Variants in LMNTD1 observed in about 807,000 individuals in gnomAD.
The protein encoded by LMNTD1 is lamin tail domain containing 1, also known as lamin tail domain-containing protein 1.
LMNTD1 carries 35 observed loss-of-function variants against 50.9 expected under a neutral mutation model. The ratio of observed to expected loss-of-function variants is 0.69; its 90% confidence interval spans 0.53 to 0.91. The LOEUF is 0.91. LMNTD1 is among the 40% of genes least tolerant of loss of function. The pLI, the probability that LMNTD1 is intolerant of heterozygous loss-of-function variation, is 0.00. For missense variants in LMNTD1, 470 were observed against 475.5 expected, an observed-to-expected ratio of 0.99 and a Z score of 0.11; for synonymous variants, 153 against 161.9, an observed-to-expected ratio of 0.94 and a Z score of 0.42.
At position 25,520,066 on chromosome 12, in the gene LMNTD1, A is replaced by G. The variant is rs779835971; in HGVS notation, c.808T>C (p.Trp270Arg). The change falls in exon 7 of 10, where the codon TGG becomes CGG. Residue 270 changes from tryptophan (W) to arginine (R), a missense_variant. By Grantham distance (101) the Trp-to-Arg change is moderately radical. Transcript: ENST00000458174. ...LCKPNGQAIA[W>R]YTPIHWKQAW... Reference sequence around the variant, plus strand: ...TGCTTCCAGTGGATAGGGGTGTACCACGCAATGGCCTAATGAAAATGATTT... The same window carrying G: ...TGCTTCCAGTGGATAGGGGTGTACCGCGCAATGGCCTAATGAAAATGATTT... 4.4e-6 allele frequency: 7 copies of G among 1,607,788 alleles called. No individual in the cohort carries two copies. Among genetic ancestry groups the G allele is most frequent in the Non-Finnish European group, 5.9e-6 (7 of 1,176,920 alleles).
chr12:25,507,384 A>G (rs896679392), intron 8 of LMNTD1, among the ~76,000 whole-genome samples: 1 of 152,226 alleles, frequency 6.6e-6, no homozygotes, highest in Admixed American at 6.5e-5. Flanking sequence ...TTTTCTTTTT[A>G]ACCAATAGCC....
intron 1 of LMNTD1, among the ~76,000 whole-genome samples, chr12:25,638,815 G>A (rs1946890379): frequency 6.6e-6 from 1 of 152,044 alleles, no homozygotes; most frequent in Non-Finnish European, 1.5e-5. Context: ...AGAAACTGAA[G>A]AGTTTATCTT....
In LMNTD1 at chr12:25,577,656, C is replaced by G. The variant is rs576067621; in HGVS notation, c.59-31102G>C. ...AGGGACAATTTGACTTCCTCTTTTC[C>G]TAATTGAATACACTTTATTTCTTTC... On this transcript the variant is annotated intron_variant, in intron 1 of 7. Coordinates refer to the LMNTD1 transcript ENST00000445693. Among the ~76,000 whole-genome samples, 604 of 152,210 alleles carry G rather than the reference C, an allele frequency of 4.0e-3. 4 individuals carry two copies. Among genetic ancestry groups the G allele is most frequent in the African/African-American group, 0.014 (575 of 41,508 alleles).
intron 1 of LMNTD1, among the ~76,000 whole-genome samples, chr12:25,560,525 G>A (rs1292996425): frequency 1.3e-5 from 2 of 152,134 alleles, no homozygotes; most frequent in Non-Finnish European, 2.9e-5. Context: ...TGGCAATGAG[G>A]GCTCTTTTTT....
chr12:25,583,416 T>G (rs1945391724), intron 1 of LMNTD1, among the ~76,000 whole-genome samples: 2 of 152,056 alleles, frequency 1.3e-5, no homozygotes, highest in African/African-American at 4.8e-5. Context: ...CAATCCTCAT[T>G]CCTTCTGCCT....
chr12:25,563,987 A>G (rs1486057549), intron 1 of LMNTD1, among the ~76,000 whole-genome samples: 2 of 152,116 alleles, frequency 1.3e-5, no homozygotes, highest in African/African-American at 4.8e-5. Context: ...TGCTAAGGCC[A>G]TTGGAAAAGT....
intron 1 of LMNTD1, among the ~76,000 whole-genome samples, chr12:25,626,512 T>C (rs1308819594): frequency 6.6e-6 from 1 of 152,170 alleles, no homozygotes; most frequent in Non-Finnish European, 1.5e-5. Flanking sequence ...TAGGGATTGT[T>C]ATGACTTTTT....
upstream of LMNTD1, chr12:25,557,458 A>G (rs1351637096): frequency 6.6e-6 from 1 of 152,210 alleles, no homozygotes; most frequent in Non-Finnish European, 1.5e-5. Context: ...TACCAATTTT[A>G]GCAATAGTTC....
intron 1 of LMNTD1, among the ~76,000 whole-genome samples, chr12:25,642,025 G>GT: frequency 6.6e-6 from 1 of 152,144 alleles, no homozygotes; most frequent in Admixed American, 6.5e-5. Context: ...TTTCCTTACT[G>GT]TACAGTCTCC....
At chr12:25,643,174 CAG>C (rs1946988923) in intron 1 of LMNTD1, among the ~76,000 whole-genome samples, 1 of 152,054 alleles carries the variant, frequency 6.6e-6, no homozygotes, top group Non-Finnish European at 1.5e-5. Context: ...CAAGTCATGA[CAG>C]AAATATAAAT....
chr12:25,619,838 A>C (rs1470932813), intron 1 of LMNTD1, among the ~76,000 whole-genome samples: 1 of 152,184 alleles, frequency 6.6e-6, no homozygotes, highest in Non-Finnish European at 1.5e-5. Flanking sequence ...AATTCTCACC[A>C]AGACTGATCA....
intron 1 of LMNTD1, among the ~76,000 whole-genome samples, chr12:25,560,631 G>C (rs1350894708): frequency 6.6e-6 from 1 of 152,170 alleles, no homozygotes; most frequent in Non-Finnish European, 1.5e-5. Flanking sequence ...AAATTACCTT[G>C]GGGGATATAG....
chr12:25,549,582 AG>A, intron 2 of LMNTD1, 36 bp from the exon 3 acceptor site: 2 of 1,205,146 alleles, frequency 1.7e-6, no homozygotes, highest in Non-Finnish European at 2.3e-6. Flanking sequence ...TAAATAAATA[AG>A]AAAGTAAAAG....
intron 8 of LMNTD1, among the ~76,000 whole-genome samples, chr12:25,510,337 C>T (rs1160626693): frequency 6.6e-6 from 1 of 151,868 alleles, no homozygotes; most frequent in Non-Finnish European, 1.5e-5. Flanking sequence ...GTTCTGCTAG[C>T]ACATTGAGGC....
chr12:25,647,524 A>T (rs992654557), intron 1 of LMNTD1, among the ~76,000 whole-genome samples: 3 of 152,224 alleles, frequency 2.0e-5, no homozygotes, highest in Non-Finnish European at 2.9e-5. Context: ...ATGAAAAAAT[A>T]AAATTTCTAT....
At chr12:25,477,998 G>A (rs1225195892) in intron 9 of LMNTD1, among the ~76,000 whole-genome samples, 1 of 152,082 alleles carries the variant, frequency 6.6e-6, no homozygotes, top group Admixed American at 6.5e-5. Flanking sequence ...AGGCTGGAAG[G>A]CTAGGCCAGT....
In LMNTD1 at chr12:25,519,851, C is replaced by A; in HGVS notation, c.1016+7G>T. 3 of 1,598,884 alleles carry A rather than the reference C, an allele frequency of 1.9e-6. No homozygotes were observed. Among genetic ancestry groups the A allele is most frequent in the Non-Finnish European group, 2.6e-6 (3 of 1,168,772 alleles). ...CCATTAAAACAAACAAACCAAACAA[C>A]CCTTACCTCTTAAGAAGAACTTGAG... On this transcript the variant is annotated splice_region_variant and intron_variant, in intron 7 of 9. Coordinates refer to ENST00000458174, the MANE Select transcript of LMNTD1 (RefSeq NM_001145728.2).
intron 1 of LMNTD1, among the ~76,000 whole-genome samples, chr12:25,627,905 C>G (rs1269643491): frequency 6.6e-6 from 1 of 151,482 alleles, no homozygotes; most frequent in African/African-American, 2.4e-5. Context: ...GTCAGGAGAT[C>G]GAGACCATCC....
intron 1 of LMNTD1, among the ~76,000 whole-genome samples, chr12:25,569,834 A>T (rs1944713550): frequency 6.6e-6 from 1 of 152,182 alleles, no homozygotes; most frequent in South Asian, 2.1e-4. Context: ...CCAGAAGCAG[A>T]TACTGGTACC....
Sources: allele counts gnomAD v4.1 joint callset (sites outside exome capture counted in the v4.1 genomes callset), GRCh38; gene constraint gnomAD v4.1.1; transcripts MANE v1.5; gene names NCBI Gene and HGNC (gene_info 2026-07-23, HGNC 2026-07-21).